CPA4: variants seen among roughly 807,000 people sequenced by gnomAD.
The protein encoded by CPA4 is carboxypeptidase A4, also known as carboxypeptidase A3.
Under a neutral mutation model 54.7 loss-of-function variants are expected in CPA4, and 49 were observed. That is an observed-to-expected ratio of 0.90 (90% CI 0.71 to 1.14). The LOEUF is 1.14. Ranked by LOEUF, CPA4 falls within the 50% of genes most tolerant of loss-of-function variation. The probability of loss-of-function intolerance (pLI) is 0.00; values close to 1 mark genes in which losing one functional copy is unlikely to be tolerated. For missense variants in CPA4, 487 were observed against 525.1 expected (o/e 0.93, Z 0.71); for synonymous variants, 215 against 206.8 (o/e 1.04, Z -0.34).
chr7:130,322,425 G>GC, intron 10 of CPA4, 64 bp from the exon 11 acceptor site: 1 of 1,396,064 alleles, frequency 7.2e-7, no homozygotes. Context: ...AGAGCTCTTG[G>GC]CCCCTTCCCA....
chr7:130,315,004 T>G (rs1793968019), intron 10 of CPA4, among the ~76,000 whole-genome samples: 1 of 152,022 alleles, frequency 6.6e-6, no homozygotes, highest in Non-Finnish European at 1.5e-5. Flanking sequence ...GGAAGTCTGT[T>G]TTCTTGAGAG....
At position 130,308,363 on chromosome 7, in the gene CPA4, T is replaced by TTCCCAATA; in HGVS notation, c.759_760insTCCCAATA (p.Asp254SerfsTer3). ...ATCCTGGAAGCTCCTGCATTGGTGC[T>TTCCCAATA]GACCCAAATAGAAACTGGAACGCTA... is the stretch of plus-strand genomic sequence containing the variant. On this transcript the variant is annotated frameshift_variant, in exon 8 of 11. Coordinates refer to ENST00000222482, the MANE Select transcript of CPA4 (RefSeq NM_016352.4). LOFTEE classifies it high-confidence loss of function. 6.2e-7 allele frequency: 1 copy of TTCCCAATA among 1,614,218 alleles called. No homozygotes were observed. Among genetic ancestry groups the TTCCCAATA allele is most frequent in the Non-Finnish European group, 8.5e-7 (1 of 1,180,038 alleles).
In CPA4 at chr7:130,314,869, C is replaced by T. The variant is rs187040532; in HGVS notation, c.1078+2747C>T. Among the ~76,000 whole-genome samples the T allele has an allele frequency of 3.1e-3, 470 of 152,044 alleles. 1 individual carries two copies. Among genetic ancestry groups the T allele is most frequent in the Non-Finnish European group, 5.5e-3 (373 of 67,980 alleles). ...AGTTTGGGAGAGAAAGAGATGTAAGCGGCTTATGTGGATTTCTCTTCCTTT... is the reference window on the plus strand; with the variant it reads ...AGTTTGGGAGAGAAAGAGATGTAAGTGGCTTATGTGGATTTCTCTTCCTTT... On this transcript the variant is annotated intron_variant, in intron 10 of 10. Transcript: ENST00000222482.
At chr7:130,313,978 G>T (rs771222509) in intron 10 of CPA4, among the ~76,000 whole-genome samples, 4 of 152,190 alleles carry the variant, frequency 2.6e-5, no homozygotes, top group South Asian at 2.1e-4. Context: ...GATATAGAAA[G>T]AATTATTTTT....
rs1288851217 is a variant in CPA4, at chr7:130,306,908, C to T, written c.702+11C>T. The T allele has an allele frequency of 2.9e-6, 4 of 1,397,090 alleles. No individual in the cohort carries two copies. The African/African-American group carries it at 5.7e-5, about 20-fold the overall frequency. 86.5% of individuals were successfully genotyped at this position (1,397,090 alleles called of 1,614,324 possible). On this transcript the variant is annotated intron_variant, in intron 7 of 10. Transcript: ENST00000222482. Reference sequence around the variant, plus strand: ...TATACTCAAACTCAAGTGAGTATTCCCAAATGGGCTGGGCTTGCAGACTGT... The same window carrying T: ...TATACTCAAACTCAAGTGAGTATTCTCAAATGGGCTGGGCTTGCAGACTGT...
At position 130,322,569 on chromosome 7, in the gene CPA4, G is replaced by A. The variant is rs765585118; in HGVS notation, c.1159G>A (p.Gly387Arg). 15 of 1,614,026 alleles carry A rather than the reference G, an allele frequency of 9.3e-6. No individual in the cohort carries two copies. The highest frequency in any genetic ancestry group is 6.7e-5 in the Admixed American group (4 of 60,002). Reference protein sequence around the residue: ...FAFTFELRDTGTYGFLLPANQ... With the variant: ...FAFTFELRDTRTYGFLLPANQ... ...ATTCACATTTGAGTTGAGAGATACC[G>A]GGACCTATGGCTTCCTCCTGCCAGC... is the stretch of plus-strand genomic sequence containing the variant. Residue 387 changes from glycine (G) to arginine (R), a missense_variant, in exon 11 of 11, where the codon GGG (glycine) becomes AGG (arginine). Coordinates refer to ENST00000222482, the MANE Select transcript of CPA4 (RefSeq NM_016352.4).
chr7:130,296,426 G>A (rs533495704), intron 1 of CPA4, among the ~76,000 whole-genome samples: 12 of 152,304 alleles, frequency 7.9e-5, no homozygotes, highest in South Asian at 4.1e-4. Flanking sequence ...CTGGGACTGC[G>A]CCCAGGAATG....
chr7:130,308,328 C>A lies in CPA4; in HGVS notation c.724C>A (p.Arg242=). The change falls in exon 8 of 11, where the codon CGG becomes AGG. Residue 242 remains arginine (R), a synonymous_variant. Transcript: ENST00000222482. ...TCAGAACCGATTATGGAGGAAGACGCGGTCCCGAAATCCTGGAAGCTCCTG... is the reference window on the plus strand; with the variant it reads ...TCAGAACCGATTATGGAGGAAGACGAGGTCCCGAAATCCTGGAAGCTCCTG... ...QTQNRLWRKT[R]SRNPGSSCIG... 1 of 1,614,142 alleles carries A rather than the reference C, an allele frequency of 6.2e-7. No individual in the cohort carries two copies. Among genetic ancestry groups the A allele is most frequent in the Non-Finnish European group, 8.5e-7 (1 of 1,180,010 alleles).
chr7:130,296,176 G>GCA (rs1793645478), intron 1 of CPA4, among the ~76,000 whole-genome samples: 1 of 152,298 alleles, frequency 6.6e-6, no homozygotes, highest in East Asian at 1.9e-4. Context: ...GGAACAGCGT[G>GCA]TACAAAAGCA....
intron 10 of CPA4, among the ~76,000 whole-genome samples, chr7:130,316,896 C>T (rs1480695441): frequency 3.4e-5 from 4 of 116,992 alleles, no homozygotes; most frequent in Non-Finnish European, 5.0e-5. Flanking sequence ...GCTACAAGAG[C>T]GAAACTCTGT....
In CPA4 at chr7:130,310,961, A is replaced by T. The variant is rs753467004; in HGVS notation, c.968A>T (p.Lys323Ile). ...ATGTATCCATATGGGTACTCAGTCA[A>T]AAAGGCCCCAGATGCCGAGGAACTC... is the stretch of plus-strand genomic sequence containing the variant. ...LLMYPYGYSV[K>I]KAPDAEELDK... The change falls in exon 9 of 11, where the codon AAA becomes ATA. Residue 323 changes from lysine to isoleucine, a missense_variant. Physicochemically the swap from Lys to Ile is moderately radical, Grantham distance 102. Transcript: ENST00000222482. The surrounding 1 kb of genome is among the most constrained non-coding windows in gnomAD (Gnocchi z 4.3). The T allele has an allele frequency of 1.2e-6, 2 of 1,614,064 alleles. No homozygotes were observed. The highest frequency in any genetic ancestry group is 4.5e-5 in the East Asian group (2 of 44,870).
chr7:130,299,472 G>C, intron 3 of CPA4, 68 bp downstream of exon 3: 1 of 1,449,318 alleles, frequency 6.9e-7, no homozygotes, highest in Non-Finnish European at 9.6e-7. Flanking sequence ...GAGTAGACCG[G>C]AGTGATTTGC....
chr7:130,293,275 G>C, intron 1 of CPA4, 27 bp downstream of exon 1: 1 of 1,367,414 alleles, frequency 7.3e-7, no homozygotes, highest in South Asian at 1.2e-5. Flanking sequence ...CTTATTATTT[G>C]GTTATTTCAG....
rs766161248 is a variant in CPA4, at chr7:130,304,534, G to A, written c.441G>A (p.Val147=). Residue 147 remains valine (V), a synonymous_variant, in exon 5 of 11, where the codon GTG becomes GTA. Coordinates refer to ENST00000222482, the MANE Select transcript of CPA4 (RefSeq NM_016352.4). ...AADFPDLARR[V]KIGHSFENRP... ...ACTTTCCTGACCTGGCGAGGAGGGT[G>A]AAGATTGGACATTCGTTTGAAAACC... 2 of 1,613,834 alleles carry A rather than the reference G, an allele frequency of 1.2e-6. No homozygotes were observed. Among genetic ancestry groups the A allele is most frequent in the Non-Finnish European group, 1.7e-6 (2 of 1,179,694 alleles).
chr7:130,313,890 C>T (rs1249915657), intron 10 of CPA4, among the ~76,000 whole-genome samples: 1 of 152,154 alleles, frequency 6.6e-6, no homozygotes, highest in African/African-American at 2.4e-5. Flanking sequence ...GAATTAAAGA[C>T]GGGGTGTTTT....
chr7:130,315,640 G>C (rs1562932494), intron 10 of CPA4, among the ~76,000 whole-genome samples: 1 of 152,126 alleles, frequency 6.6e-6, no homozygotes, highest in Non-Finnish European at 1.5e-5. Flanking sequence ...ATAGAAATTC[G>C]ATTGTTGGAT....
chr7:130,297,895 C>A (rs1793674511), intron 1 of CPA4, among the ~76,000 whole-genome samples: 1 of 152,216 alleles, frequency 6.6e-6, no homozygotes, highest in Non-Finnish European at 1.5e-5. Context: ...CTTTCTCCCA[C>A]CCACACACAG....
Position 130,322,750 on chromosome 7 carries a change from T to G in CPA4, c.*74T>G. On this transcript the variant is annotated 3_prime_UTR_variant, in exon 11 of 11. Transcript: ENST00000222482. The stretch of plus-strand genomic sequence containing the variant: ...ACTGAGGCCATTGTTAAAGGAGCTC[T>G]TTCCTACCTGTGTGAGTCAGAGCCC... The G allele has an allele frequency of 2.6e-5, 38 of 1,449,960 alleles. No individual in the cohort carries two copies. Among genetic ancestry groups the G allele is most frequent in the Non-Finnish European group, 2.9e-5 (31 of 1,065,374 alleles). 89.8% of individuals were successfully genotyped at this position (1,449,960 alleles called of 1,614,324 possible).
intron 6 of CPA4, among the ~76,000 whole-genome samples, chr7:130,306,585 G>C (rs770098895): frequency 6.6e-6 from 1 of 152,166 alleles, no homozygotes; most frequent in African/African-American, 2.4e-5. Flanking sequence ...CCAAGCAGCC[G>C]TGTCTCTCCA....
Sources: gnomAD v4.1 joint callset for allele counts (sites outside exome capture counted in the v4.1 genomes callset) on GRCh38, gnomAD v4.1.1 for gene constraint, Gnocchi (gnomAD v3.1) non-coding constraint, MANE v1.5 for transcripts, NCBI Gene and HGNC (gene_info 2026-07-23, HGNC 2026-07-21) for gene names.